LRRC18: variants seen among roughly 807,000 people sequenced by gnomAD.
The protein encoded by LRRC18 is leucine-rich repeat-containing protein 18.
In LRRC18, 12 loss-of-function variants were observed where a neutral mutation model predicts 11.2. The observed-to-expected ratio is 1.07, with a 90% confidence interval of 0.69 to 1.74. The LOEUF (loss-of-function observed/expected upper bound fraction) is 1.74, where lower values mean the gene tolerates loss of function less well. Ranked by LOEUF, LRRC18 falls within the 40% of genes most tolerant of loss-of-function variation. LRRC18 has a pLI of 0.00. For synonymous variants in LRRC18, 155 were observed against 130.6 expected, an observed-to-expected ratio of 1.19 and a Z score of -1.27; for missense variants, 374 against 330.5, an observed-to-expected ratio of 1.13 and a Z score of -1.02.
At chr10:48,911,918 G>A (rs1451853930) in intron 1 of LRRC18, among the ~76,000 whole-genome samples, 2 of 152,198 alleles carry the variant, frequency 1.3e-5, no homozygotes, top group African/African-American at 4.8e-5. Flanking sequence ...AGCAAGGGGT[G>A]AAGAAATGAA....
intron 1 of LRRC18, 90 bp downstream of exon 3, chr10:48,913,302 G>T: frequency 8.0e-7 from 1 of 1,247,316 alleles, no homozygotes; most frequent in Non-Finnish European, 1.1e-6. Context: ...GCAGCCACAG[G>T]GGAGCCCTTG....
chr10:48,916,235 A>G (rs1035293099), upstream of LRRC18, among the ~76,000 whole-genome samples: 1 of 152,202 alleles, frequency 6.6e-6, no homozygotes, highest in Non-Finnish European at 1.5e-5. Context: ...GGCAGCCCAG[A>G]ACACAAAACT....
the LRRC18 span, among the ~76,000 whole-genome samples, chr10:48,921,557 A>G: frequency 1.3e-5 from 2 of 152,180 alleles, no homozygotes; most frequent in Non-Finnish European, 2.9e-5. Context: ...CAAAAGCACA[A>G]TTTACAAAAG....
chr10:48,916,732 T>A (rs10776654), upstream of LRRC18, among the ~76,000 whole-genome samples: 18 of 152,174 alleles, frequency 1.2e-4, no homozygotes, highest in Non-Finnish European at 2.1e-4. Flanking sequence ...CTCTGAACTC[T>A]CCTGAGCTGC....
chr10:48,928,052 C>T, the LRRC18 span, among the ~76,000 whole-genome samples: 115,037 of 152,120 alleles, frequency 0.76, 45,952 homozygotes, highest in East Asian at 1. Flanking sequence ...TGATTCCATT[C>T]CACCCAATGT....
At chr10:48,934,297 G>T in the LRRC18 span, among the ~76,000 whole-genome samples, 3 of 152,176 alleles carry the variant, frequency 2.0e-5, no homozygotes, top group African/African-American at 7.2e-5. Flanking sequence ...TTAAAATGAG[G>T]TTCCTCCCTC....
At chr10:48,910,241 G>A (rs1837874305) in exon 2 of LRRC18, 2 of 1,613,368 alleles carry the variant, frequency 1.2e-6, no homozygotes, top group East Asian at 4.5e-5. Flanking sequence ...GCTACTCTAG[G>A]AAGATGTCAA....
At chr10:48,921,323 A>C in the LRRC18 span, among the ~76,000 whole-genome samples, 1 of 152,188 alleles carries the variant, frequency 6.6e-6, no homozygotes. Context: ...AACATGGCCA[A>C]ATGGTCAATT....
In LRRC18 at chr10:48,914,014, G is replaced by A. The variant is rs373215473; in HGVS notation, c.142C>T (p.Arg48Cys). The A allele has an allele frequency of 9.5e-5, 154 of 1,614,054 alleles. No individual in the cohort carries two copies. The highest frequency in any genetic ancestry group is 1.9e-4 in the African/African-American group (14 of 74,928). ...TCCAGCTCGTCCATGTCACTAAGGC[G>A]CAGAATACACTTGGGGAAGGTGGTA... is the stretch of plus-strand genomic sequence containing the variant. Residue 48 changes from arginine to cysteine, a missense_variant, in exon 1 of 2, where the codon CGC (arginine) becomes TGC (cysteine). By Grantham distance (180) the Arg-to-Cys change is radical. Transcript: ENST00000374160.
chr10:48,936,670 TACTAAAA>T, the LRRC18 span, among the ~76,000 whole-genome samples: 1 of 151,660 alleles, frequency 6.6e-6, no homozygotes, highest in Non-Finnish European at 1.5e-5. Context: ...ACCCCGTCTC[TACTAAAA>T]ATACAAAAAC....
upstream of LRRC18, among the ~76,000 whole-genome samples, chr10:48,918,937 C>T (rs919458013): frequency 6.6e-6 from 1 of 152,160 alleles, no homozygotes; most frequent in African/African-American, 2.4e-5. Flanking sequence ...ATGAGAACTG[C>T]TAGTATAGAA....
the LRRC18 span, among the ~76,000 whole-genome samples, chr10:48,924,440 G>A: frequency 6.6e-6 from 1 of 152,196 alleles, no homozygotes; most frequent in African/African-American, 2.4e-5. Flanking sequence ...CCCACACAAG[G>A]GAAGCTGATA....
At chr10:48,911,253 A>G (rs1349749793) in intron 1 of LRRC18, among the ~76,000 whole-genome samples, 2 of 152,198 alleles carry the variant, frequency 1.3e-5, no homozygotes, top group East Asian at 1.9e-4. Flanking sequence ...CAGTAGGTGA[A>G]GAGAAAAATG....
chr10:48,913,416 G>A (rs749157420), exon 1 of LRRC18: 1 of 1,612,384 alleles, frequency 6.2e-7, no homozygotes, highest in Non-Finnish European at 8.5e-7. Context: ...GGAGTCCTTG[G>A]CCATGGAATT....
the LRRC18 span, among the ~76,000 whole-genome samples, chr10:48,929,175 A>G: frequency 6.6e-6 from 1 of 152,076 alleles, no homozygotes; most frequent in Non-Finnish European, 1.5e-5. Flanking sequence ...AGGAAACATC[A>G]AGTGGAAAAG....
the LRRC18 span, among the ~76,000 whole-genome samples, chr10:48,927,948 C>T: frequency 6.6e-6 from 1 of 152,120 alleles, no homozygotes; most frequent in African/African-American, 2.4e-5. Flanking sequence ...GTTCATCCAC[C>T]CTATGTTCAA....
the LRRC18 span, among the ~76,000 whole-genome samples, chr10:48,924,890 G>A: frequency 6.6e-6 from 1 of 152,154 alleles, no homozygotes; most frequent in African/African-American, 2.4e-5. Flanking sequence ...GACTGACTTT[G>A]TTTCTATATT....
chr10:48,909,855 C>T (rs114869754), exon 2 of LRRC18: 2,556 of 194,878 alleles, frequency 0.013, 72 homozygotes, highest in African/African-American at 0.054. Context: ...CTCATTATAC[C>T]TACATAAATT....
the LRRC18 span, among the ~76,000 whole-genome samples, chr10:48,921,176 AAGAATAAT>A: frequency 6.6e-6 from 1 of 152,204 alleles, no homozygotes; most frequent in Non-Finnish European, 1.5e-5. Context: ...AATTTTGAAA[AAGAATAAT>A]AGAGTTGGAG....
Sources: gnomAD v4.1 joint callset for allele counts (sites outside exome capture counted in the v4.1 genomes callset) on GRCh38, gnomAD v4.1.1 for gene constraint, MANE v1.5 for transcripts, NCBI Gene and HGNC (gene_info 2026-07-23, HGNC 2026-07-21) for gene names.